The following RAP1A variants were observed in gnomAD, a reference collection of about 807,000 sequenced individuals.
RAP1A encodes RAP1A, member of RAS oncogene family.
A neutral mutation model predicts 26.4 loss-of-function variants in RAP1A; 6 were observed. The observed-to-expected ratio is 0.23, with a 90% CI of 0.12 to 0.45. RAP1A has a LOEUF of 0.45. Among genes scored for constraint, RAP1A ranks in the 20% least tolerant of loss-of-function variants. The pLI is 0.99. For missense variants in RAP1A, 121 were observed against 217.2 expected (o/e 0.56, Z 2.78); for synonymous variants, 73 against 79.4 (o/e 0.92, Z 0.43).
upstream of RAP1A, among the ~76,000 whole-genome samples, chr1:111,615,401 C>T (rs577179377): frequency 2.0e-5 from 3 of 151,684 alleles, no homozygotes; most frequent in Non-Finnish European, 4.4e-5. Context: ...GACCTAGGGT[C>T]GTGGCAATAG....
intron 1 of RAP1A, chr1:111,648,462 G>C: frequency 1.8e-6 from 1 of 551,300 alleles, no homozygotes; most frequent in South Asian, 1.7e-5. Context: ...TCAGCCTCTA[G>C]TTTGACCTTG....
At chr1:111,654,416 G>A (rs1459028412) in intron 1 of RAP1A, among the ~76,000 whole-genome samples, 2 of 152,126 alleles carry the variant, frequency 1.3e-5, no homozygotes, top group Non-Finnish European at 2.9e-5. Flanking sequence ...AGATGAAAGA[G>A]GCCATATAAT....
chr1:111,567,256 C>G (rs1323948805), intron 1 of RAP1A, among the ~76,000 whole-genome samples: 2 of 152,096 alleles, frequency 1.3e-5, no homozygotes, highest in Non-Finnish European at 2.9e-5. Context: ...CTCAACTCAC[C>G]TGAGGTGAAA....
chr1:111,646,225 T>C (rs1660059392), intron 1 of RAP1A, among the ~76,000 whole-genome samples: 3 of 152,172 alleles, frequency 2.0e-5, no homozygotes, highest in Non-Finnish European at 4.4e-5. Context: ...AGGTTGTTTT[T>C]TACACTTTTT....
At chr1:111,546,012 G>C (rs1413305808) in intron 1 of RAP1A, among the ~76,000 whole-genome samples, 4 of 152,090 alleles carry the variant, frequency 2.6e-5, no homozygotes, top group Admixed American at 1.3e-4. Context: ...ATACCCTTTA[G>C]AATACTGTAG....
chr1:111,639,207 T>A (rs1045927965), intron 1 of RAP1A, among the ~76,000 whole-genome samples: 2 of 152,330 alleles, frequency 1.3e-5, no homozygotes, highest in Admixed American at 1.3e-4. Flanking sequence ...TGCTTATTTC[T>A]GTAGTTCTCT....
At chr1:111,690,244 A>C (rs776716613) in intron 1 of RAP1A, among the ~76,000 whole-genome samples, 1 of 152,328 alleles carries the variant, frequency 6.6e-6, no homozygotes, top group African/African-American at 2.4e-5. Context: ...TGAGGTTTCT[A>C]CTGAATTCCT....
chr1:111,702,674 T>A (rs1662060902), intron 4 of RAP1A, among the ~76,000 whole-genome samples: 1 of 152,038 alleles, frequency 6.6e-6, no homozygotes, highest in South Asian at 2.1e-4. Context: ...TTCAAGTGAT[T>A]CTTCTTCCAC....
chr1:111,654,508 T>C (rs2101143089), intron 1 of RAP1A, among the ~76,000 whole-genome samples: 1 of 152,300 alleles, frequency 6.6e-6, no homozygotes, highest in Admixed American at 6.5e-5. Flanking sequence ...ACTAATTGTT[T>C]TGTGAGTTTT....
intron 6 of RAP1A, among the ~76,000 whole-genome samples, chr1:111,706,153 A>T (rs1557899625): frequency 6.6e-6 from 1 of 152,236 alleles, no homozygotes; most frequent in Non-Finnish European, 1.5e-5. Context: ...TGCATTAGCC[A>T]TCTCAAGAAT....
At chr1:111,652,124 C>T (rs1188036853) in intron 1 of RAP1A, among the ~76,000 whole-genome samples, 1 of 152,120 alleles carries the variant, frequency 6.6e-6, no homozygotes, top group Non-Finnish European at 1.5e-5. Context: ...TAGGCTTGTG[C>T]CACCATGCCC....
intron 1 of RAP1A, among the ~76,000 whole-genome samples, chr1:111,576,016 C>T (rs1284125765): frequency 6.6e-6 from 1 of 152,168 alleles, no homozygotes; most frequent in African/African-American, 2.4e-5. Context: ...CCTTGGGGGA[C>T]AGAGAAAACT....
At chr1:111,636,905 A>G (rs1346642817) in intron 1 of RAP1A, among the ~76,000 whole-genome samples, 3 of 152,220 alleles carry the variant, frequency 2.0e-5, no homozygotes, top group Non-Finnish European at 2.9e-5. Context: ...AGGCCAAATT[A>G]AAATATATTT....
At chr1:111,648,455 G>A in intron 1 of RAP1A, 1 of 554,244 alleles carries the variant, frequency 1.8e-6, no homozygotes, top group South Asian at 1.7e-5. Context: ...GGCGATCTCA[G>A]CCTCTAGTTT....
intron 1 of RAP1A, among the ~76,000 whole-genome samples, chr1:111,600,342 T>C (rs540886862): frequency 2.6e-4 from 39 of 152,354 alleles, no homozygotes; most frequent in African/African-American, 9.4e-4. Flanking sequence ...CTAGATATTC[T>C]ACCATCTCTA....
At chr1:111,683,183 A>G (rs1028411915) in intron 1 of RAP1A, among the ~76,000 whole-genome samples, 1 of 152,212 alleles carries the variant, frequency 6.6e-6, no homozygotes, top group Non-Finnish European at 1.5e-5. Context: ...TTTGAGGGAA[A>G]TTTATAGCAC....
chr1:111,632,682 G>A (rs1051396964), intron 1 of RAP1A, among the ~76,000 whole-genome samples: 4 of 152,104 alleles, frequency 2.6e-5, no homozygotes, highest in African/African-American at 7.2e-5. Context: ...GGAGGTCGAG[G>A]CGGGCGGATC....
upstream of RAP1A, chr1:111,619,740 G>GGGGGCGGGGCCTGCGT: frequency 2.5e-6 from 1 of 394,242 alleles, no homozygotes; most frequent in Non-Finnish European, 4.5e-6. Context: ...GGCAGAACCA[G>GGGGGCGGGGCCTGCGT]GGGGCGGGGC....
intron 1 of RAP1A, among the ~76,000 whole-genome samples, chr1:111,647,882 T>C (rs1030476101): frequency 6.6e-6 from 1 of 152,128 alleles, no homozygotes; most frequent in Non-Finnish European, 1.5e-5. Flanking sequence ...TTAGAATGTT[T>C]AGTCATAGGT....
Sources: allele counts gnomAD v4.1 joint callset (sites outside exome capture counted in the v4.1 genomes callset), GRCh38; gene constraint gnomAD v4.1.1; transcripts MANE v1.5; gene names NCBI Gene and HGNC (gene_info 2026-07-23, HGNC 2026-07-21).